VCP: variants seen among roughly 807,000 people sequenced by gnomAD.
VCP encodes the protein valosin containing protein.
VCP carries 6 observed loss-of-function variants against 85.7 expected under a neutral mutation model. The ratio of observed to expected loss-of-function variants is 0.07; its 90% confidence interval spans 0.04 to 0.14. VCP has a LOEUF of 0.14. VCP is among the 10% of genes least tolerant of loss of function. VCP has a pLI of 1.00. For missense variants in VCP, 353 were observed against 1,043.4 expected (o/e 0.34, Z 9.12); for synonymous variants, 384 against 367.1 (o/e 1.05, Z -0.53).
At chr9:35,065,443 C>T in intron 4 of VCP, 62 bp from the exon 5 acceptor site, 7 of 1,609,988 alleles carry the variant, frequency 4.3e-6, no homozygotes, top group Non-Finnish European at 5.9e-6. Context: ...AGTGAGAACT[C>T]ATCAGACCCT....
At chr9:35,058,356 G>A (rs981917000) in intron 15 of VCP, among the ~76,000 whole-genome samples, 12 of 152,214 alleles carry the variant, frequency 7.9e-5, no homozygotes, top group African/African-American at 2.9e-4. Context: ...CAAGTGAGAT[G>A]ACAGAGATCT....
chr9:35,057,696 A>C (rs1238623545), intron 15 of VCP, 166 bp from the exon 16 acceptor site: 2 of 887,244 alleles, frequency 2.3e-6, no homozygotes, highest in Non-Finnish European at 3.7e-6. Flanking sequence ...CTGCTTAAAA[A>C]CTTGTCAATG....
chr9:35,066,876 G>A lies in VCP; in HGVS notation c.303-59C>T. 18 of 1,612,678 alleles carry A rather than the reference G, an allele frequency of 1.1e-5. No homozygotes were observed. The South Asian group carries it at 1.3e-4, about 12-fold the overall frequency. On this transcript the variant is annotated intron_variant, in intron 3 of 16. Coordinates refer to ENST00000358901, the MANE Select transcript of VCP (RefSeq NM_007126.5). The stretch of plus-strand genomic sequence containing the variant: ...CACACTTCGGGCCCAAGCACTGGGT[G>A]TCCAAAAGGGCCTGGCACAGATAGC...
At chr9:35,065,631 TTC>T (rs751941022) in intron 4 of VCP, among the ~76,000 whole-genome samples, 12 of 152,128 alleles carry the variant, frequency 7.9e-5, no homozygotes, top group Non-Finnish European at 1.6e-4. Flanking sequence ...GCCCATCAAG[TTC>T]TGACTTCTGC....
intron 4 of VCP, among the ~76,000 whole-genome samples, chr9:35,066,345 T>G (rs1168414107): frequency 6.9e-6 from 1 of 144,456 alleles, no homozygotes; most frequent in Non-Finnish European, 1.5e-5. Context: ...CACTGCAACC[T>G]CCACCTCTTG....
At position 35,068,315 on chromosome 9, in the gene VCP, C is replaced by T; in HGVS notation, c.65G>A (p.Arg22His). The change falls in exon 2 of 17, where the codon CGT (arginine) becomes CAT (histidine). Residue 22 changes from arginine (R) to histidine (H), a missense_variant. By Grantham distance (29) the Arg-to-His change is conservative (BLOSUM62 0). Around this residue, in one of 8 missense-constraint regions of VCP, gnomAD observed 69 missense variants for 132.9 expected, o/e 0.52. Coordinates refer to ENST00000358901, the MANE Select transcript of VCP (RefSeq NM_007126.5). ...LSTAILKQKN[R>H]PNRLIVDEAI... ...TTCATCAACAATTAACCGATTGGGA[C>T]GGTTCTTCTGTTTGAGAATGGCTGT... is the stretch of plus-strand genomic sequence containing the variant. 1 of 1,614,164 alleles carries T rather than the reference C, an allele frequency of 6.2e-7. No homozygotes were observed. The highest frequency in any genetic ancestry group is 8.5e-7 in the Non-Finnish European group (1 of 1,180,036).
At chr9:35,057,322 G>C (rs1045000220) in intron 16 of VCP, 54 bp downstream of exon 16, 9 of 1,613,920 alleles carry the variant, frequency 5.6e-6, no homozygotes, top group Admixed American at 3.3e-5. Context: ...CATCCCTTTT[G>C]GTGTAGGTCC....
intron 3 of VCP, among the ~76,000 whole-genome samples, chr9:35,067,623 A>C (rs572451192): frequency 2.0e-5 from 3 of 152,282 alleles, no homozygotes; most frequent in Admixed American, 6.5e-5. Context: ...GATAAATTAC[A>C]CCTCTAGTAG....
chr9:35,059,230 C>T lies in VCP; in HGVS notation c.2005-11G>A. 1.2e-6 allele frequency: 2 copies of T among 1,614,176 alleles called. No homozygotes were observed. The highest frequency in any genetic ancestry group is 3.3e-4 in the Middle Eastern group (2 of 6,062). On this transcript the variant is annotated splice_polypyrimidine_tract_variant and intron_variant, in intron 14 of 16. Coordinates refer to ENST00000358901, the MANE Select transcript of VCP (RefSeq NM_007126.5). The surrounding 1 kb of genome is among the most constrained non-coding windows in gnomAD (Gnocchi z 4.9). Reference sequence around the variant, plus strand: ...CTCCAAGTCCACATCCTAAAAGCAGCAGCAGAGGTACCTTAGCATTTAGCC... The same window carrying T: ...CTCCAAGTCCACATCCTAAAAGCAGTAGCAGAGGTACCTTAGCATTTAGCC...
chr9:35,071,620 A>G, intron 1 of VCP: 1 of 784,250 alleles, frequency 1.3e-6, no homozygotes, highest in Non-Finnish European at 1.5e-6. Context: ...CCCACGAGTC[A>G]TAACATTAAG....
At chr9:35,060,701 C>T in intron 12 of VCP, 100 bp downstream of exon 12, 1 of 1,599,906 alleles carries the variant, frequency 6.3e-7, no homozygotes. Flanking sequence ...CTAAGTCGTG[C>T]TCTCACAACT....
intron 10 of VCP, 95 bp from the exon 11 acceptor site, chr9:35,061,274 T>C (rs1828715971): frequency 6.5e-7 from 1 of 1,542,730 alleles, no homozygotes; most frequent in Non-Finnish European, 8.9e-7. Flanking sequence ...CTGCTATCCC[T>C]GGGTCCTCTC....
At chr9:35,064,350 T>C (rs777331985) in intron 5 of VCP, 65 bp from the exon 6 acceptor site, 43 of 1,601,494 alleles carry the variant, frequency 2.7e-5, no homozygotes, top group Non-Finnish European at 3.5e-5. Flanking sequence ...GCTGAGTTTC[T>C]CTAAATCATT....
Position 35,068,234 on chromosome 9 carries a change from C to CTGTGGCCACAGCTT in VCP, c.129+3_129+16dup. Reference sequence around the variant, plus strand: ...GTAAGTGCAGTAAGGAAAGACTAGTCTGTGGCCACAGCTTACCTGGGACAA... The same window carrying CTGTGGCCACAGCTT: ...GTAAGTGCAGTAAGGAAAGACTAGTCTGTGGCCACAGCTTTGTGGCCACAGCTTACCTGGGACAA... On this transcript the variant is annotated intron_variant, in intron 2 of 16. Transcript: ENST00000358901. The CTGTGGCCACAGCTT allele has an allele frequency of 6.2e-7, 1 of 1,613,022 alleles. No homozygotes were observed. Among genetic ancestry groups the CTGTGGCCACAGCTT allele is most frequent in the Non-Finnish European group, 8.5e-7 (1 of 1,179,030 alleles).
rs752479529 is a variant in VCP at position 35,072,361 on chromosome 9, G to A, written c.-8C>T. Reference sequence around the variant, plus strand: ...CTCGGCTCCAGAAGCCATGGCGCGCGCCTCTCCCGGCCGGCGGCTGTGGCG... The same window carrying A: ...CTCGGCTCCAGAAGCCATGGCGCGCACCTCTCCCGGCCGGCGGCTGTGGCG... On this transcript the variant is annotated 5_prime_UTR_variant, in exon 1 of 17. Transcript: ENST00000358901. The A allele has an allele frequency of 2.7e-6, 4 of 1,477,740 alleles. No individual in the cohort carries two copies. The highest frequency in any genetic ancestry group is 3.6e-6 in the Non-Finnish European group (4 of 1,121,514). The allele number at this position is 1,477,740 out of a possible 1,614,324, so 91.5% of individuals were successfully genotyped here. A position where few individuals can be genotyped will look rare whatever the true frequency, so the allele number is the denominator to read the frequency against.
intron 4 of VCP, 101 bp downstream of exon 4, chr9:35,066,574 A>T: frequency 7.1e-7 from 1 of 1,417,114 alleles, no homozygotes. Flanking sequence ...GGAAAAGCAT[A>T]AAAGATTTAA....
intron 3 of VCP, 28 bp downstream of exon 3, chr9:35,067,863 C>T (rs1178297232): frequency 6.2e-7 from 1 of 1,613,962 alleles, no homozygotes; most frequent in Admixed American, 1.7e-5. Flanking sequence ...GCCTCCCATC[C>T]CTGTGAAGCC....
chr9:35,064,408 C>T lies in VCP; in HGVS notation c.577-123G>A, dbSNP rs149380309. 5.4e-4 allele frequency: 716 copies of T among 1,313,920 alleles called. 12 individuals are homozygous for T. The East Asian group carries it at 0.01, about 19-fold the overall frequency. 81.4% of individuals were successfully genotyped at this position (1,313,920 alleles called of 1,614,324 possible). A position where few individuals can be genotyped will look rare whatever the true frequency, so the allele number is the denominator to read the frequency against. ...CTACCGTATAAGAAGATTCTCAACC[C>T]GGCATGGTGGCTCACATCTGTAATC... is the stretch of plus-strand genomic sequence containing the variant. On this transcript the variant is annotated intron_variant, in intron 5 of 16. Coordinates refer to ENST00000358901, the MANE Select transcript of VCP (RefSeq NM_007126.5).
intron 2 of VCP, 22 bp from the exon 3 acceptor site, chr9:35,068,085 C>T (rs891325646): frequency 6.2e-7 from 1 of 1,614,116 alleles, no homozygotes; most frequent in Non-Finnish European, 8.5e-7. Flanking sequence ...AAGTTAAGGC[C>T]TTTGGGTCAT....
Sources: allele counts gnomAD v4.1 joint callset (sites outside exome capture counted in the v4.1 genomes callset), GRCh38; gene constraint gnomAD v4.1.1; regional missense constraint gnomAD v4.1.1; non-coding constraint Gnocchi (gnomAD v3.1); transcripts MANE v1.5; gene names NCBI Gene and HGNC (gene_info 2026-07-23, HGNC 2026-07-21).